Variants in MXD4 observed in about 807,000 individuals in gnomAD.
MXD4 encodes MAX dimerization protein 4.
MXD4 carries 16 observed loss-of-function variants against 24.5 expected under a neutral mutation model. That is an observed-to-expected ratio of 0.65 (90% CI 0.44 to 0.99). The LOEUF (loss-of-function observed/expected upper bound fraction) is 0.99, where lower values mean the gene tolerates loss of function less well. Ranked by LOEUF, MXD4 falls within the 50% of genes least tolerant of loss-of-function variation. The probability of loss-of-function intolerance (pLI) is 0.00; values close to 1 mark genes in which losing one functional copy is unlikely to be tolerated. For synonymous variants in MXD4, 164 were observed against 134.2 expected (o/e 1.22, Z -1.54); for missense variants, 301 against 301.5 (o/e 1.00, Z 0.01).
At chr4:2,257,942 C>G in intron 3 of MXD4, 40 bp downstream of exon 3, 1 of 1,613,168 alleles carries the variant, frequency 6.2e-7, no homozygotes, top group Non-Finnish European at 8.5e-7. Context: ...AAGGGTGGGC[C>G]AGGTGTCGGG....
At chr4:2,257,850 C>T in intron 3 of MXD4, 132 bp downstream of exon 3, 1 of 1,232,058 alleles carries the variant, frequency 8.1e-7, no homozygotes, top group Non-Finnish European at 1.2e-6. Flanking sequence ...CTGACCATTC[C>T]CAAGACAAGG....
intron 3 of MXD4, among the ~76,000 whole-genome samples, chr4:2,256,729 G>A (rs1735437837): frequency 6.6e-6 from 1 of 152,236 alleles, no homozygotes; most frequent in Non-Finnish European, 1.5e-5. Context: ...GAGGACAGAG[G>A]GCAAAGCCAG....
rs955584004 is a variant in MXD4, at chr4:2,261,713, G to T, written c.164+12C>A. The T allele has an allele frequency of 2.2e-6, 3 of 1,346,234 alleles. No homozygotes were observed. Among genetic ancestry groups the T allele is most frequent in the Non-Finnish European group, 1.9e-6 (2 of 1,037,596 alleles). 83.4% of individuals were successfully genotyped at this position (1,346,234 alleles called of 1,614,324 possible). A position where few individuals can be genotyped will look rare whatever the true frequency, so the allele number is the denominator to read the frequency against. On this transcript the variant is annotated intron_variant, in intron 2 of 5. Coordinates refer to ENST00000337190, the MANE Select transcript of MXD4 (RefSeq NM_006454.3). ...GACCGGGCCGGGCGGGGTCGGGAGC[G>T]GGGGGCGGTACCTGTTGTTCGGGGC...
intron 2 of MXD4, chr4:2,259,098 C>A (rs1191700777): frequency 2.6e-6 from 1 of 388,454 alleles, no homozygotes; most frequent in Non-Finnish European, 5.3e-6. Context: ...CTCGGGGCAC[C>A]TCCAGACCCA....
chr4:2,262,072 G>A lies in MXD4; in HGVS notation c.-92C>T, dbSNP rs1339499900. On this transcript the variant is annotated 5_prime_UTR_variant, in exon 1 of 6. Transcript: ENST00000337190. ...CGCTCGCCGCCCACCCCGCGCGCCC[G>A]GCCGCCGCACTTCCAGACTCCGCGG... The A allele has an allele frequency of 8.6e-6, 6 of 698,626 alleles. No individual in the cohort carries two copies. Among genetic ancestry groups the A allele is most frequent in the Admixed American group, 6.3e-5 (1 of 15,772 alleles). The allele number at this position is 698,626 out of a possible 1,614,324, so 43.3% of individuals were successfully genotyped here.
At chr4:2,255,748 C>T (rs970283847) in intron 3 of MXD4, among the ~76,000 whole-genome samples, 4 of 152,210 alleles carry the variant, frequency 2.6e-5, no homozygotes, top group Admixed American at 2.0e-4. Context: ...AGGACTAGCA[C>T]GCTGGGCTGG....
At chr4:2,251,892 A>ACAGGG (rs2108788586) in intron 4 of MXD4, among the ~76,000 whole-genome samples, 1 of 152,314 alleles carries the variant, frequency 6.6e-6, no homozygotes, top group South Asian at 2.1e-4. Context: ...CCCCAAACCA[A>ACAGGG]CAGGGCTGTC....
intron 3 of MXD4, among the ~76,000 whole-genome samples, chr4:2,255,511 G>A (rs1286525726): frequency 6.6e-6 from 1 of 152,168 alleles, no homozygotes; most frequent in Non-Finnish European, 1.5e-5. Context: ...CTCTACAGTG[G>A]CTGGTTGCGG....
chr4:2,256,184 CTAAG>C (rs1735424878), intron 3 of MXD4, among the ~76,000 whole-genome samples: 1 of 152,228 alleles, frequency 6.6e-6, no homozygotes, highest in Non-Finnish European at 1.5e-5. Context: ...CCAAAACACA[CTAAG>C]ATCAGAGCCT....
Position 2,255,382 on chromosome 4 carries a change from A to G in MXD4, c.194+2600T>C, listed in dbSNP as rs866017971. 37 of 456,262 alleles carry G rather than the reference A, an allele frequency of 8.1e-5. No homozygotes were observed. In the Middle Eastern group the frequency reaches 9.8e-4, roughly 12 times the overall value. The allele number at this position is 456,262 out of a possible 1,614,324, so 28.3% of individuals were successfully genotyped here. On this transcript the variant is annotated intron_variant, in intron 3 of 5. Coordinates refer to ENST00000337190, the MANE Select transcript of MXD4 (RefSeq NM_006454.3). ...TCGAGAGACAAACAGAAGCCATCTGACCACACACACGCACTGTCCAAAACC... is the reference window on the plus strand; with the variant it reads ...TCGAGAGACAAACAGAAGCCATCTGGCCACACACACGCACTGTCCAAAACC...
At position 2,262,005 on chromosome 4, in the gene MXD4, C is replaced by A; in HGVS notation, c.-25G>T. ...TCCTCCCGCCCGCGCCCGTCCGCCC[C>A]GGGACGGCGGCGGCCGCTGCCCGGC... is the stretch of plus-strand genomic sequence containing the variant. On this transcript the variant is annotated 5_prime_UTR_variant, in exon 1 of 6. Coordinates refer to ENST00000337190, the MANE Select transcript of MXD4 (RefSeq NM_006454.3). 3 of 1,228,872 alleles carry A rather than the reference C, an allele frequency of 2.4e-6. No homozygotes were observed. The highest frequency in any genetic ancestry group is 2.0e-6 in the Non-Finnish European group (2 of 978,556). 76.1% of individuals were successfully genotyped at this position (1,228,872 alleles called of 1,614,324 possible).
rs1560111751 is a variant in MXD4 at position 2,249,593 on chromosome 4, A to C, written c.*951T>G. On this transcript the variant is annotated 3_prime_UTR_variant, in exon 6 of 6. Transcript: ENST00000337190. ...CATTTTACTTTTTTGCTTTTTGTTTAAAAAAGGGAGATGAGTAAGCCCCCG... is the reference window on the plus strand; with the variant it reads ...CATTTTACTTTTTTGCTTTTTGTTTCAAAAAGGGAGATGAGTAAGCCCCCG... The C allele has an allele frequency of 6.6e-6, 1 of 151,968 alleles. No individual in the cohort carries two copies. Among genetic ancestry groups the C allele is most frequent in the Non-Finnish European group, 1.5e-5 (1 of 67,996 alleles). The allele number at this position is 151,968 out of a possible 1,614,324, so 9.4% of individuals were successfully genotyped here. A position where few individuals can be genotyped will look rare whatever the true frequency, so the allele number is the denominator to read the frequency against.
intron 3 of MXD4, chr4:2,254,487 C>T (rs1297429301): frequency 4.6e-5 from 7 of 151,952 alleles, no homozygotes; most frequent in South Asian, 2.1e-4. Flanking sequence ...AGGTTTTCTA[C>T]GCTTAAAAAA....
chr4:2,262,027 C>G lies in MXD4; in HGVS notation c.-47G>C. 1.9e-6 allele frequency: 2 copies of G among 1,031,886 alleles called. No individual in the cohort carries two copies. Among genetic ancestry groups the G allele is most frequent in the Non-Finnish European group, 2.3e-6 (2 of 851,834 alleles). The allele number at this position is 1,031,886 out of a possible 1,614,324, so 63.9% of individuals were successfully genotyped here. ...CCCCGGGACGGCGGCGGCCGCTGCC[C>G]GGCCCGCTCCGGCCGGCTCCGCTCG... On this transcript the variant is annotated 5_prime_UTR_variant, in exon 1 of 6. Transcript: ENST00000337190.
Position 2,260,182 on chromosome 4 carries a change from G to A in MXD4, c.164+1543C>T, listed in dbSNP as rs115611437. ...GAGGAGCCAGGGGAGATGCACCAGA[G>A]TTGGGGAGCCCTCTGTCTCCCTCAC... is the stretch of plus-strand genomic sequence containing the variant. On this transcript the variant is annotated intron_variant, in intron 2 of 5. Transcript: ENST00000337190. Among the ~76,000 whole-genome samples the A allele has an allele frequency of 5.9e-3, 895 of 152,338 alleles. 6 individuals are homozygous for A. The highest frequency in any genetic ancestry group is 0.021 in the African/African-American group (856 of 41,580).
rs2108787772 is a variant in MXD4, at chr4:2,250,450, G to C, written c.*94C>G. ...GAGCTTCCAGAATGGCACAGCAGTG[G>C]GCCTGTGGAGAGGCTGGCGTCAACT... On this transcript the variant is annotated 3_prime_UTR_variant, in exon 6 of 6. Coordinates refer to ENST00000337190, the MANE Select transcript of MXD4 (RefSeq NM_006454.3). The C allele has an allele frequency of 1.4e-6, 2 of 1,386,482 alleles. No individual in the cohort carries two copies. The highest frequency in any genetic ancestry group is 2.5e-5 in the East Asian group (1 of 39,728). The allele number at this position is 1,386,482 out of a possible 1,614,324, so 85.9% of individuals were successfully genotyped here.
intron 2 of MXD4, chr4:2,260,446 G>A (rs1205910087): frequency 9.5e-6 from 4 of 419,292 alleles, no homozygotes; most frequent in Admixed American, 2.5e-5. Flanking sequence ...TGGCCAGGAC[G>A]CTGGTTGTCA....
At chr4:2,260,566 A>C (rs1267112566) in intron 2 of MXD4, 1 of 455,554 alleles carries the variant, frequency 2.2e-6, no homozygotes, top group South Asian at 1.6e-5. Flanking sequence ...TTGCTCACTG[A>C]GGAGGCCTGA....
In MXD4 at chr4:2,250,510, C is replaced by T. The variant is rs9872; in HGVS notation, c.*34G>A. ...CTGGAGGGCTGACACGCGTGGCTGG[C>T]GGGCAGGCAGGCCAAGGAGCAGAGG... is the stretch of plus-strand genomic sequence containing the variant. On this transcript the variant is annotated 3_prime_UTR_variant, in exon 6 of 6. Transcript: ENST00000337190. The T allele has an allele frequency of 8.6e-3, 13,029 of 1,520,392 alleles. 893 individuals are homozygous for T. In the African/African-American group the frequency reaches 0.15, roughly 18 times the overall value. 94.2% of individuals were successfully genotyped at this position (1,520,392 alleles called of 1,614,324 possible).
Sources: gnomAD v4.1 joint callset for allele counts (sites outside exome capture counted in the v4.1 genomes callset) on GRCh38, gnomAD v4.1.1 for gene constraint, MANE v1.5 for transcripts, NCBI Gene and HGNC (gene_info 2026-07-23, HGNC 2026-07-21) for gene names.